The following ATP8B1 variants were observed in gnomAD, a reference collection of about 807,000 sequenced individuals.
ATP8B1 encodes phospholipid-transporting ATPase IC.
Under a neutral mutation model 149.9 loss-of-function variants are expected in ATP8B1, and 80 were observed. That is an observed-to-expected ratio of 0.53 (90% CI 0.45 to 0.64). ATP8B1 has a LOEUF of 0.64. Ranked by LOEUF, ATP8B1 falls within the 30% of genes least tolerant of loss-of-function variation. The pLI, the probability that ATP8B1 is intolerant of heterozygous loss-of-function variation, is 0.00. For missense variants in ATP8B1, 1,247 were observed against 1,552.6 expected, an observed-to-expected ratio of 0.80 and a Z score of 3.31; for synonymous variants, 536 against 562.8, an observed-to-expected ratio of 0.95 and a Z score of 0.67.
chr18:57,679,186 C>T (rs1432999067), intron 15 of ATP8B1, among the ~76,000 whole-genome samples: 8 of 151,418 alleles, frequency 5.3e-5, no homozygotes, highest in East Asian at 1.9e-4. Flanking sequence ...GCCGAGATCG[C>T]GCCACTGCTC....
chr18:57,723,002 T>G (rs1010537257), intron 2 of ATP8B1, among the ~76,000 whole-genome samples: 18 of 150,308 alleles, frequency 1.2e-4, no homozygotes, highest in Non-Finnish European at 2.5e-4. Flanking sequence ...AAAAACCACA[T>G]GATTATCTCA....
At position 57,667,155 on chromosome 18, in the gene ATP8B1, T is replaced by C; in HGVS notation, c.2222A>G (p.Asn741Ser). ...CAGAAGTTCACAAGCAAATCCTATA[T>C]TTTCAGCAGTTTCTACAATAGAATA... The part of the protein sequence containing the change: ...LTGDKKETAE[N>S]IGFACELLTE... The change falls in exon 20 of 28, where the codon AAT becomes AGT. Residue 741 changes from asparagine (N) to serine (S), a missense_variant. Physicochemically the swap from Asn to Ser is conservative, Grantham distance 46. This residue lies in a region of ATP8B1 where 853 missense variants were observed against 1,035.7 expected (regional missense o/e 0.82). Transcript: ENST00000648908. The C allele has an allele frequency of 6.2e-7, 1 of 1,610,034 alleles. No homozygotes were observed. The highest frequency in any genetic ancestry group is 8.5e-7 in the Non-Finnish European group (1 of 1,176,268).
At chr18:57,712,958 A>G (rs1200061725) in intron 2 of ATP8B1, among the ~76,000 whole-genome samples, 2 of 151,872 alleles carry the variant, frequency 1.3e-5, no homozygotes, top group Non-Finnish European at 2.9e-5. Flanking sequence ...CTGCTGATGA[A>G]AGAGCCCTTG....
In ATP8B1 at chr18:57,655,359, A is replaced by G; in HGVS notation, c.2766T>C (p.Ser922=). Residue 922 remains serine (S), a synonymous_variant, in exon 23 of 28, where the codon AGT becomes AGC. Coordinates refer to ENST00000648908, the MANE Select transcript of ATP8B1 (RefSeq NM_001374385.1). Reference sequence around the variant, plus strand: ...ATCGGAACTGAGCAAAGGAATAGTCACTCGACATGACAGCTTGCATTCCTT... The same window carrying G: ...ATCGGAACTGAGCAAAGGAATAGTCGCTCGACATGACAGCTTGCATTCCTT... ...GQEGMQAVMS[S]DYSFAQFRYL... is the part of the protein sequence containing the mutation. 6.2e-7 allele frequency: 1 copy of G among 1,614,170 alleles called. No homozygotes were observed. The highest frequency in any genetic ancestry group is 8.5e-7 in the Non-Finnish European group (1 of 1,180,038).
intron 15 of ATP8B1, among the ~76,000 whole-genome samples, chr18:57,675,360 A>G (rs561156920): frequency 5.3e-5 from 8 of 152,352 alleles, no homozygotes; most frequent in Admixed American, 2.0e-4. Flanking sequence ...AATTGTTTCT[A>G]TCAAGCTGAA....
In ATP8B1 at chr18:57,706,547, G is replaced by T. The variant is rs145214384; in HGVS notation, c.222C>A (p.His74Gln). ...WQVKANDRKY[H>Q]EQPHFMNTKF... ...TTGTGTTCATAAAGTGAGGTTGTTC[G>T]TGGTACTTGCGATCGTTTGCTTTGA... The change falls in exon 3 of 28, where the codon CAC becomes CAA. Residue 74 changes from histidine (H) to glutamine (Q), a missense_variant. Physicochemically the swap from His to Gln is conservative, Grantham distance 24. Around this residue, in one of 3 missense-constraint regions of ATP8B1, gnomAD observed 853 missense variants for 1,035.7 expected, o/e 0.82. Transcript: ENST00000648908. 2 of 1,614,014 alleles carry T rather than the reference G, an allele frequency of 1.2e-6. No homozygotes were observed.
intron 1 of ATP8B1, among the ~76,000 whole-genome samples, chr18:57,782,717 T>A (rs1599234010): frequency 6.6e-6 from 1 of 152,082 alleles, no homozygotes; most frequent in East Asian, 1.9e-4. Flanking sequence ...ATCTATTTGT[T>A]TGAGCCTTGA....
intron 1 of ATP8B1, among the ~76,000 whole-genome samples, chr18:57,775,409 T>G: frequency 7.0e-6 from 1 of 142,284 alleles, no homozygotes; most frequent in African/African-American, 2.6e-5. Flanking sequence ...AGGGGCGGAA[T>G]GGAGGGAAAA....
chr18:57,649,882 A>G (rs894362009), intron 27 of ATP8B1, among the ~76,000 whole-genome samples: 2 of 152,156 alleles, frequency 1.3e-5, no homozygotes, highest in Admixed American at 1.3e-4. Context: ...AAGAGATGGC[A>G]AGAACCAGCC....
chr18:57,701,431 T>A, intron 4 of ATP8B1, 118 bp from the exon 5 acceptor site: 1 of 882,764 alleles, frequency 1.1e-6, no homozygotes, highest in Non-Finnish European at 1.9e-6. Flanking sequence ...CACATAAGTC[T>A]ACATCCTGCA....
At position 57,708,148 on chromosome 18, in the gene ATP8B1, A is replaced by ACT. The variant is rs201656035; in HGVS notation, c.182-1563_182-1562dup. Among the ~76,000 whole-genome samples, 58 of 132,170 alleles carry ACT rather than the reference A, an allele frequency of 4.4e-4. No homozygotes were observed. The East Asian group carries it at 0.011, about 26-fold the overall frequency. 86.7% of individuals were successfully genotyped at this position (132,170 alleles called of 152,430 possible). A position where few individuals can be genotyped will look rare whatever the true frequency, so the allele number is the denominator to read the frequency against. On this transcript the variant is annotated intron_variant, in intron 2 of 27. Coordinates refer to ENST00000648908, the MANE Select transcript of ATP8B1 (RefSeq NM_001374385.1). ...ACTCCAGCCTGGGCGACAGACGGAA[A>ACT]CTCTGTCTCAAAAAAAAAAAAAAAA...
chr18:57,667,879 C>T lies in ATP8B1; in HGVS notation c.2209+550G>A, dbSNP rs77182484. 2.6e-3 allele frequency: 674 copies of T among 259,320 alleles called. 20 individuals are homozygous for T. The East Asian group carries it at 0.047, about 18-fold the overall frequency. 16.1% of individuals were successfully genotyped at this position (259,320 alleles called of 1,614,324 possible). A position where few individuals can be genotyped will look rare whatever the true frequency, so the allele number is the denominator to read the frequency against. ...CCATAACTTTGCAGAGTGTGTAACC[C>T]GTTGACGATTTCAGCGCAAGAGACA... On this transcript the variant is annotated intron_variant, in intron 19 of 27. Transcript: ENST00000648908.
At chr18:57,698,847 T>G (rs1912967696) in intron 6 of ATP8B1, among the ~76,000 whole-genome samples, 1 of 152,244 alleles carries the variant, frequency 6.6e-6, no homozygotes, top group Non-Finnish European at 1.5e-5. Flanking sequence ...ATTCCCTCGC[T>G]AAAGTGAATT....
Position 57,694,666 on chromosome 18 carries a change from A to C in ATP8B1, c.945T>G (p.Ala315=). Residue 315 remains alanine, a synonymous_variant, in exon 11 of 28, where the codon GCT becomes GCG. Coordinates refer to ENST00000648908, the MANE Select transcript of ATP8B1 (RefSeq NM_001374385.1). ...CACTATTCTTCATTATTTTAGTGTC[A>C]GCACCTGAAAATGGAAAATTCAATG... ...FCHGLVIFAG[A]DTKIMKNSGK... 1 of 1,580,490 alleles carries C rather than the reference A, an allele frequency of 6.3e-7. No individual in the cohort carries two copies. Among genetic ancestry groups the C allele is most frequent in the Non-Finnish European group, 8.7e-7 (1 of 1,149,722 alleles).
intron 2 of ATP8B1, among the ~76,000 whole-genome samples, chr18:57,713,824 G>A (rs74985148): frequency 3.5e-5 from 3 of 85,910 alleles, no homozygotes; most frequent in Non-Finnish European, 5.1e-5. Flanking sequence ...ACAGGGTTTC[G>A]CCATGTTGGC....
chr18:57,673,035 A>G (rs895354624), intron 16 of ATP8B1, among the ~76,000 whole-genome samples: 7 of 146,104 alleles, frequency 4.8e-5, no homozygotes, highest in African/African-American at 1.7e-4. Flanking sequence ...GTATATATAT[A>G]TAAATATAAA....
intron 1 of ATP8B1, among the ~76,000 whole-genome samples, chr18:57,752,803 AT>A (rs1465527078): frequency 1.3e-5 from 2 of 152,210 alleles, no homozygotes; most frequent in Non-Finnish European, 2.9e-5. Flanking sequence ...GATTATTTTC[AT>A]TTTATTCTCT....
Position 57,691,936 on chromosome 18 carries a change from G to A in ATP8B1, c.1091C>T (p.Ala364Val). The A allele has an allele frequency of 6.2e-7, 1 of 1,614,150 alleles. No individual in the cohort carries two copies. The highest frequency in any genetic ancestry group is 8.5e-7 in the Non-Finnish European group (1 of 1,180,036). ...GLAIGHAYWE[A>V]QVGNSSWYLY... ...GTACCAAGAGGAATTGCCCACCTGT[G>A]CTTCCCAATAAGCATGGCCGATGGC... Residue 364 changes from alanine (A) to valine (V), a missense_variant, in exon 12 of 28, where the codon GCA becomes GTA. Physicochemically the swap from Ala to Val is moderately conservative, Grantham distance 64. Transcript: ENST00000648908.
In ATP8B1 at chr18:57,668,505, C is replaced by T. The variant is rs1269197864; in HGVS notation, c.2133G>A (p.Gln711=). ...LGATAIEDKL[Q]DGVPETISKL... ...TTGAAATGGTTTCTGGAACTCCATCCTGTAGCTTGTCTTCAATAGCTGTAG... is the reference window on the plus strand; with the variant it reads ...TTGAAATGGTTTCTGGAACTCCATCTTGTAGCTTGTCTTCAATAGCTGTAG... The change falls in exon 19 of 28, where the codon CAG becomes CAA. Residue 711 remains glutamine, a synonymous_variant. Coordinates refer to ENST00000648908, the MANE Select transcript of ATP8B1 (RefSeq NM_001374385.1). 2.5e-6 allele frequency: 4 copies of T among 1,580,914 alleles called. No individual in the cohort carries two copies. Among genetic ancestry groups the T allele is most frequent in the Non-Finnish European group, 3.4e-6 (4 of 1,163,160 alleles).
Sources: allele counts gnomAD v4.1 joint callset (sites outside exome capture counted in the v4.1 genomes callset), GRCh38; gene constraint gnomAD v4.1.1; regional missense constraint gnomAD v4.1.1; transcripts MANE v1.5; gene names NCBI Gene and HGNC (gene_info 2026-07-23, HGNC 2026-07-21).